ANKS6: variants seen among roughly 807,000 people sequenced by gnomAD.
ANKS6 encodes ankyrin repeat and SAM domain-containing protein 6.
Under a neutral mutation model 77.9 loss-of-function variants are expected in ANKS6, and 47 were observed. The observed-to-expected ratio is 0.60, with a 90% confidence interval of 0.48 to 0.77. The LOEUF (loss-of-function observed/expected upper bound fraction) is 0.77. ANKS6 is among the 30% of genes least tolerant of loss of function. The pLI is 0.00. For missense variants in ANKS6, 1,150 were observed against 1,159.1 expected (o/e 0.99, Z 0.11); for synonymous variants, 488 against 501.7 (o/e 0.97, Z 0.37).
At chr9:98,792,757 T>C (rs1428970074) in intron 1 of ANKS6, among the ~76,000 whole-genome samples, 1 of 152,198 alleles carries the variant, frequency 6.6e-6, no homozygotes, top group Non-Finnish European at 1.5e-5. Flanking sequence ...GCAATTAATC[T>C]AAAGCCTCTC....
chr9:98,790,547 T>G lies in ANKS6; in HGVS notation c.419A>C (p.Gln140Pro). The G allele has an allele frequency of 6.2e-7, 1 of 1,612,928 alleles. No individual in the cohort carries two copies. The change falls in exon 2 of 15, where the codon CAG becomes CCG. Residue 140 changes from glutamine to proline, a missense_variant. By Grantham distance (76) the Gln-to-Pro change is moderately conservative (BLOSUM62 -1). Transcript: ENST00000353234. The stretch of plus-strand genomic sequence containing the variant: ...GAGCACACTGGCCCCCAGCCGGTTC[T>G]GGGCATTGACATCAGCCCCGTGATC... ...LLDHGADVNA[Q>P]NRLGASVLTV...
At chr9:98,751,174 T>C (rs968192026) in intron 12 of ANKS6, 78 bp from the exon 13 acceptor site, 17 of 1,109,366 alleles carry the variant, frequency 1.5e-5, no homozygotes, top group African/African-American at 1.4e-4. Flanking sequence ...TATAAAGTAG[T>C]GGTAATCTTA....
chr9:98,744,568 ATATT>A (rs780597650), intron 14 of ANKS6, among the ~76,000 whole-genome samples: 3 of 152,212 alleles, frequency 2.0e-5, no homozygotes, highest in Non-Finnish European at 4.4e-5. Context: ...TACTACATAA[ATATT>A]TATTTGCTGC....
chr9:98,735,683 C>G lies in ANKS6; in HGVS notation c.*836G>C. 1 of 1,231,748 alleles carries G rather than the reference C, an allele frequency of 8.1e-7. No individual in the cohort carries two copies. Among genetic ancestry groups the G allele is most frequent in the East Asian group, 3.2e-5 (1 of 31,708 alleles). 76.3% of individuals were successfully genotyped at this position (1,231,748 alleles called of 1,614,324 possible). A position where few individuals can be genotyped will look rare whatever the true frequency, so the allele number is the denominator to read the frequency against. On this transcript the variant is annotated 3_prime_UTR_variant, in exon 15 of 15. Transcript: ENST00000353234. ...GTACCAGAGCATCATCTGGTCTGAC[C>G]TTCCACTTTGCAGATAAGGAAACTG...
intron 12 of ANKS6, among the ~76,000 whole-genome samples, chr9:98,756,141 A>G (rs1449583206): frequency 6.6e-6 from 1 of 152,172 alleles, no homozygotes; most frequent in African/African-American, 2.4e-5. Context: ...AGGGAAAGTA[A>G]GTTCGTGTTG....
At chr9:98,780,136 C>T in intron 6 of ANKS6, 53 bp downstream of exon 6, 1 of 1,604,918 alleles carries the variant, frequency 6.2e-7, no homozygotes, top group Non-Finnish European at 8.5e-7. Flanking sequence ...AGGCTCCCCG[C>T]CAGCCCCCAT....
In ANKS6 at chr9:98,773,539, G is replaced by A. The variant is rs543380943; in HGVS notation, c.1821+338C>T. 1.3e-4 allele frequency among the ~76,000 whole-genome samples: 20 copies of A among 152,230 alleles called. No homozygotes were observed. The East Asian group carries it at 3.9e-3, about 29-fold the overall frequency. On this transcript the variant is annotated intron_variant, in intron 9 of 14. Coordinates refer to ENST00000353234, the MANE Select transcript of ANKS6 (RefSeq NM_173551.5). ...ATTATGGTTCACTCACACTTGGCTG[G>A]TGATCTTCAGCTATTACTCCCACTC...
rs1418178028 is a variant in ANKS6 at position 98,770,957 on chromosome 9, T to C, written c.1911A>G (p.Ser637=). 2 of 1,596,368 alleles carry C rather than the reference T, an allele frequency of 1.3e-6. No individual in the cohort carries two copies. Among genetic ancestry groups the C allele is most frequent in the Admixed American group, 1.7e-5 (1 of 57,584 alleles). The change falls in exon 10 of 15, where the codon TCA becomes TCG. Residue 637 remains serine, a synonymous_variant. Transcript: ENST00000353234. The part of the protein sequence containing the change: ...NSGNFNHSPH[S]SGGSSGVGVS... ...CACCTACCCCACTGGAGCCGCCCGATGAATGAGGCGAGTGGTTGAAGTTTC... is the reference window on the plus strand; with the variant it reads ...CACCTACCCCACTGGAGCCGCCCGACGAATGAGGCGAGTGGTTGAAGTTTC...
chr9:98,741,585 T>C (rs113606720), intron 14 of ANKS6, among the ~76,000 whole-genome samples: 1 of 152,226 alleles, frequency 6.6e-6, no homozygotes, highest in Non-Finnish European at 1.5e-5. Flanking sequence ...ATGCACTGCA[T>C]TGACAATCAC....
rs187976964 is a variant in ANKS6 at position 98,795,382 on chromosome 9, G to C, written c.359+751C>G. Among the ~76,000 whole-genome samples, 5 of 151,922 alleles carry C rather than the reference G, an allele frequency of 3.3e-5. No individual in the cohort carries two copies. The East Asian group carries it at 9.9e-4, about 30-fold the overall frequency. On this transcript the variant is annotated intron_variant, in intron 1 of 14. Coordinates refer to ENST00000353234, the MANE Select transcript of ANKS6 (RefSeq NM_173551.5). Reference sequence around the variant, plus strand: ...GCCTAGAACCTTCCATGACTCCCTAGCACCTTCCATGACTCCCTAGCACCC... The same window carrying C: ...GCCTAGAACCTTCCATGACTCCCTACCACCTTCCATGACTCCCTAGCACCC...
At chr9:98,773,633 C>A (rs1833756315) in intron 9 of ANKS6, among the ~76,000 whole-genome samples, 1 of 152,202 alleles carries the variant, frequency 6.6e-6, no homozygotes, top group South Asian at 2.1e-4. Flanking sequence ...TCAAACTGTG[C>A]TCCTTGGAGA....
chr9:98,793,890 G>T (rs906930921), intron 1 of ANKS6, among the ~76,000 whole-genome samples: 1 of 147,840 alleles, frequency 6.8e-6, no homozygotes, highest in South Asian at 2.2e-4. Context: ...GGTGGCTCAC[G>T]CCTGTAATCG....
At chr9:98,758,324 C>CTTTTTTTTTTTTTT (rs35699060) in intron 11 of ANKS6, among the ~76,000 whole-genome samples, 1 of 134,866 alleles carries the variant, frequency 7.4e-6, no homozygotes, top group African/African-American at 2.7e-5. Context: ...CGCCATCTTT[C>CTTTTTTTTTTTTTT]TTTTTTTTTT....
chr9:98,758,995 A>T (rs1447402441), intron 11 of ANKS6, among the ~76,000 whole-genome samples: 3 of 152,176 alleles, frequency 2.0e-5, no homozygotes, highest in African/African-American at 7.2e-5. Flanking sequence ...CATTCATTTG[A>T]ATACACTTAG....
rs186225747 is a variant in ANKS6, at chr9:98,762,728, C to A, written c.2142+5353G>T. On this transcript the variant is annotated intron_variant, in intron 11 of 14. Transcript: ENST00000353234. ...CAGATTTGCCTTCCTGGGATGAACC[C>A]CACTTGGTCAGAAGGTATTATACTT... Among the ~76,000 whole-genome samples, 6 of 151,938 alleles carry A rather than the reference C, an allele frequency of 3.9e-5. No homozygotes were observed. The East Asian group carries it at 1.2e-3, about 29-fold the overall frequency.
chr9:98,734,428 C>G lies in ANKS6; in HGVS notation c.*2091G>C, dbSNP rs1831378282. ...TGTTATGAAAAAAACAGGACCACAG[C>G]AAAAAGCAGGCACAAAACCTCAAAG... On this transcript the variant is annotated 3_prime_UTR_variant, in exon 15 of 15. Transcript: ENST00000353234. 1.0e-6 allele frequency: 1 copy of G among 985,326 alleles called. No homozygotes were observed. The highest frequency in any genetic ancestry group is 6.1e-5 in the Admixed American group (1 of 16,262). The allele number at this position is 985,326 out of a possible 1,614,324, so 61.0% of individuals were successfully genotyped here.
chr9:98,774,949 C>T (rs769013705), intron 8 of ANKS6, among the ~76,000 whole-genome samples: 1 of 152,232 alleles, frequency 6.6e-6, no homozygotes, highest in African/African-American at 2.4e-5. Context: ...AGCAGGGCAG[C>T]CGGGCCACCC....
chr9:98,795,047 G>A (rs111299436), intron 1 of ANKS6, among the ~76,000 whole-genome samples: 122 of 152,246 alleles, frequency 8.0e-4, no homozygotes, highest in African/African-American at 2.7e-3. Flanking sequence ...AGAACAGGGA[G>A]ATATCATGGC....
chr9:98,783,202 C>T (rs1246049639), intron 4 of ANKS6, among the ~76,000 whole-genome samples: 1 of 152,130 alleles, frequency 6.6e-6, no homozygotes, highest in African/African-American at 2.4e-5. Context: ...ATGGAGACTC[C>T]ACTTCTTCCA....
Sources: allele counts gnomAD v4.1 joint callset (sites outside exome capture counted in the v4.1 genomes callset), GRCh38; gene constraint gnomAD v4.1.1; transcripts MANE v1.5; gene names NCBI Gene and HGNC (gene_info 2026-07-23, HGNC 2026-07-21).